RXRA: variants seen among roughly 807,000 people sequenced by gnomAD.
RXRA encodes the protein retinoid X receptor alpha.
RXRA carries 5 observed loss-of-function variants against 44.5 expected under a neutral mutation model. The ratio of observed to expected loss-of-function variants is 0.11; its 90% confidence interval spans 0.06 to 0.24. The LOEUF is 0.24. Ranked by LOEUF, RXRA falls within the 10% of genes least tolerant of loss-of-function variation. RXRA has a pLI of 1.00. For synonymous variants in RXRA, 291 were observed against 271.4 expected (o/e 1.07, Z -0.71); for missense variants, 412 against 646.5 (o/e 0.64, Z 3.93).
At chr9:134,424,214 G>T in intron 6 of RXRA, 9 of 985,424 alleles carry the variant, frequency 9.1e-6, no homozygotes, top group Non-Finnish European at 1.1e-5. Context: ...CAGCTGTCAG[G>T]TGGGGGCTCC....
intron 1 of RXRA, among the ~76,000 whole-genome samples, chr9:134,358,139 C>T (rs1422430287): frequency 1.3e-5 from 2 of 152,208 alleles, no homozygotes; most frequent in Admixed American, 6.5e-5. Flanking sequence ...CCACCCAGGC[C>T]CCGGCCACCT....
intron 1 of RXRA, among the ~76,000 whole-genome samples, chr9:134,363,419 C>T (rs1199988700): frequency 1.3e-5 from 2 of 152,244 alleles, no homozygotes; most frequent in Admixed American, 6.5e-5. Flanking sequence ...AATTTCATAC[C>T]TCTCTGGTTT....
rs764929224 is a variant in RXRA at position 134,408,311 on chromosome 9, G to C, written c.430+12G>C. The C allele has an allele frequency of 8.2e-6, 13 of 1,593,878 alleles. No homozygotes were observed. The highest frequency in any genetic ancestry group is 2.7e-5 in the African/African-American group (2 of 74,272). On this transcript the variant is annotated intron_variant, in intron 3 of 9. Coordinates refer to ENST00000481739, the MANE Select transcript of RXRA (RefSeq NM_002957.6). ...GGACCGCTCCTCAGGTACCGCTGCT[G>C]TGGGGGCCAGGGGCTGGTGGGACAG...
At chr9:134,421,873 C>T (rs3927491) in intron 6 of RXRA, 68 bp downstream of exon 6, 3 of 1,582,422 alleles carry the variant, frequency 1.9e-6, no homozygotes, top group Admixed American at 1.8e-5. Context: ...GACACTCCCC[C>T]CTCCCGGGAT....
At position 134,342,914 on chromosome 9, in the gene RXRA, T is replaced by G. The variant is rs1174532729; in HGVS notation, c.28+16255T>G. ...GTGATGTGGGTGGCATGACTGCGGA[T>G]GCAGGCACGTGTGGGTGCTGGGGAT... On this transcript the variant is annotated intron_variant, in intron 1 of 9. Transcript: ENST00000481739. This position sits in a 1 kb window ranked among gnomAD's most constrained non-coding sequence, Gnocchi z 4.4. 6.6e-6 allele frequency among the ~76,000 whole-genome samples: 1 copy of G among 152,304 alleles called. No homozygotes were observed. Among genetic ancestry groups the G allele is most frequent in the Non-Finnish European group, 1.5e-5 (1 of 68,034 alleles).
rs568437728 is a variant in RXRA, at chr9:134,329,426, T to C, written c.28+2767T>C. ...GGGCCCTGTTTGTTGACTGGGGAGGTGTCAGGGAGAGAAAAATGGCCCAGT... is the reference window on the plus strand; with the variant it reads ...GGGCCCTGTTTGTTGACTGGGGAGGCGTCAGGGAGAGAAAAATGGCCCAGT... On this transcript the variant is annotated intron_variant, in intron 1 of 9. Coordinates refer to ENST00000481739, the MANE Select transcript of RXRA (RefSeq NM_002957.6). 6.9e-4 allele frequency among the ~76,000 whole-genome samples: 105 copies of C among 151,940 alleles called. 1 individual carries two copies. The highest frequency in any genetic ancestry group is 6.7e-3 in the South Asian group (32 of 4,788).
intron 3 of RXRA, 23 bp from the exon 4 acceptor site, chr9:134,408,917 C>A: frequency 1.4e-6 from 2 of 1,474,996 alleles, no homozygotes; most frequent in South Asian, 1.4e-5. Flanking sequence ...TGCTCCCCAG[C>A]CCTGCTCTGC....
At chr9:134,382,199 C>T (rs114879740) in intron 1 of RXRA, among the ~76,000 whole-genome samples, 2,768 of 152,040 alleles carry the variant, frequency 0.018, 79 homozygotes, top group African/African-American at 0.063. Flanking sequence ...CCTGGGCTGG[C>T]GTCTGCCTCC....
intron 4 of RXRA, among the ~76,000 whole-genome samples, chr9:134,410,135 G>A (rs1288578738): frequency 6.6e-6 from 1 of 152,232 alleles, no homozygotes; most frequent in East Asian, 1.9e-4. Flanking sequence ...AGAAATCAGA[G>A]CCTCTGCCAG....
At chr9:134,358,120 C>G (rs940326715) in intron 1 of RXRA, among the ~76,000 whole-genome samples, 1 of 152,264 alleles carries the variant, frequency 6.6e-6, no homozygotes, top group Non-Finnish European at 1.5e-5. Flanking sequence ...AGGGCTGCTG[C>G]TGGGTGTGCC....
rs576005357 is a variant in RXRA at position 134,425,180 on chromosome 9, G to A, written c.910+3375G>A. 3.7e-5 allele frequency: 36 copies of A among 985,418 alleles called. No homozygotes were observed. The African/African-American group carries it at 5.4e-4, about 15-fold the overall frequency. The allele number at this position is 985,418 out of a possible 1,614,324, so 61.0% of individuals were successfully genotyped here. A position where few individuals can be genotyped will look rare whatever the true frequency, so the allele number is the denominator to read the frequency against. ...ACAGCCCTGCAGGGGCCCAGAAACTGGTGGAGGATTCCAGCCAGGCTGTGG... is the reference window on the plus strand; with the variant it reads ...ACAGCCCTGCAGGGGCCCAGAAACTAGTGGAGGATTCCAGCCAGGCTGTGG... On this transcript the variant is annotated intron_variant, in intron 6 of 9. Coordinates refer to ENST00000481739, the MANE Select transcript of RXRA (RefSeq NM_002957.6).
intron 6 of RXRA, 30 bp from the exon 7 acceptor site, chr9:134,429,078 C>T (rs1432360205): frequency 1.2e-6 from 2 of 1,612,086 alleles, no homozygotes; most frequent in Non-Finnish European, 1.7e-6. Context: ...GGCCTGGAGA[C>T]AGCTGAGTGA....
intron 1 of RXRA, among the ~76,000 whole-genome samples, chr9:134,397,346 C>T (rs1830895027): frequency 6.6e-6 from 1 of 152,182 alleles, no homozygotes; most frequent in African/African-American, 2.4e-5. Flanking sequence ...CCGCTTAGCC[C>T]CCGACACTCA....
intron 1 of RXRA, among the ~76,000 whole-genome samples, chr9:134,359,774 G>T (rs1395929096): frequency 6.7e-6 from 1 of 150,052 alleles, no homozygotes; most frequent in Non-Finnish European, 1.5e-5. Flanking sequence ...CTCCCAGCAA[G>T]GATGTGGCCT....
At chr9:134,421,874 C>A (rs374188930) in intron 6 of RXRA, 69 bp downstream of exon 6, 3 of 1,581,470 alleles carry the variant, frequency 1.9e-6, no homozygotes, top group Admixed American at 1.8e-5. Flanking sequence ...ACACTCCCCC[C>A]TCCCGGGATA....
intron 1 of RXRA, among the ~76,000 whole-genome samples, chr9:134,394,741 C>T (rs1830853562): frequency 1.3e-5 from 2 of 152,202 alleles, no homozygotes; most frequent in Non-Finnish European, 2.9e-5. Flanking sequence ...CTGCGTCTCC[C>T]AGTCTCCCCT....
At position 134,426,218 on chromosome 9, in the gene RXRA, T is replaced by C; in HGVS notation, c.911-2890T>C. The C allele has an allele frequency of 1.0e-6, 1 of 985,392 alleles. No homozygotes were observed. The highest frequency in any genetic ancestry group is 1.2e-6 in the Non-Finnish European group (1 of 829,910). The allele number at this position is 985,392 out of a possible 1,614,324, so 61.0% of individuals were successfully genotyped here. A position where few individuals can be genotyped will look rare whatever the true frequency, so the allele number is the denominator to read the frequency against. On this transcript the variant is annotated intron_variant, in intron 6 of 9. Transcript: ENST00000481739. The surrounding 1 kb of genome is among the most constrained non-coding windows in gnomAD (Gnocchi z 4.6). The stretch of plus-strand genomic sequence containing the variant: ...TCCTCTGCATCACTGAGGTCCTCCT[T>C]CTGAAAGGCCAGCGCACCCTGAGCC...
At chr9:134,419,941 G>A (rs1831301870) in intron 5 of RXRA, among the ~76,000 whole-genome samples, 1 of 152,184 alleles carries the variant, frequency 6.6e-6, no homozygotes, top group Non-Finnish European at 1.5e-5. Context: ...CACACTGCAG[G>A]CACATGACAG....
chr9:134,432,977 G>A (rs1831556424), intron 8 of RXRA, among the ~76,000 whole-genome samples: 1 of 152,160 alleles, frequency 6.6e-6, no homozygotes, highest in Non-Finnish European at 1.5e-5. Flanking sequence ...CGTGATAGGG[G>A]CAGGTGGCTG....
Sources: allele counts gnomAD v4.1 joint callset (sites outside exome capture counted in the v4.1 genomes callset), GRCh38; gene constraint gnomAD v4.1.1; non-coding constraint Gnocchi (gnomAD v3.1); transcripts MANE v1.5; gene names NCBI Gene and HGNC (gene_info 2026-07-23, HGNC 2026-07-21).